CTNNA2: variants seen among roughly 807,000 people sequenced by gnomAD.
CTNNA2 encodes catenin alpha-2.
CTNNA2 carries 42 observed loss-of-function variants against 101.0 expected under a neutral mutation model. The observed-to-expected ratio is 0.42, with a 90% CI of 0.32 to 0.54. The LOEUF (loss-of-function observed/expected upper bound fraction) is 0.54, where lower values mean the gene tolerates loss of function less well. Among genes scored for constraint, CTNNA2 ranks in the 20% least tolerant of loss-of-function variants. CTNNA2 has a pLI of 0.14. For missense variants in CTNNA2, 871 were observed against 1,223.1 expected, an observed-to-expected ratio of 0.71 and a Z score of 4.29; for synonymous variants, 450 against 456.4, an observed-to-expected ratio of 0.99 and a Z score of 0.18.
At chr2:79,596,769 CT>C (rs1360459722) in intron 1 of CTNNA2, among the ~76,000 whole-genome samples, 2 of 152,246 alleles carry the variant, frequency 1.3e-5, no homozygotes, top group African/African-American at 2.4e-5. Context: ...GCTGTATTCT[CT>C]GTAATTTGCC....
At chr2:80,567,905 ACT>A (rs1229815928) in intron 12 of CTNNA2, among the ~76,000 whole-genome samples, 4 of 152,022 alleles carry the variant, frequency 2.6e-5, no homozygotes, top group African/African-American at 9.7e-5. Flanking sequence ...GTTAACAGTT[ACT>A]AAACTGTTTA....
At chr2:79,520,977 A>G (rs1360618592) in intron 1 of CTNNA2, among the ~76,000 whole-genome samples, 3 of 151,754 alleles carry the variant, frequency 2.0e-5, no homozygotes, top group Admixed American at 6.6e-5. Flanking sequence ...AAATGAAAAC[A>G]TATGTACAAG....
chr2:80,225,787 G>T (rs1030094269), intron 7 of CTNNA2, among the ~76,000 whole-genome samples: 1 of 152,146 alleles, frequency 6.6e-6, no homozygotes, highest in Admixed American at 6.6e-5. Context: ...AAAGCAATGG[G>T]ATCCTACATA....
chr2:79,358,374 A>G (rs888659488), intron 3 of CTNNA2, among the ~76,000 whole-genome samples: 2 of 151,878 alleles, frequency 1.3e-5, no homozygotes, highest in Non-Finnish European at 2.9e-5. Context: ...TAATTCTTGT[A>G]TTTTTAGTAG....
At chr2:79,705,765 A>T (rs1308925369) in intron 2 of CTNNA2, among the ~76,000 whole-genome samples, 1 of 152,256 alleles carries the variant, frequency 6.6e-6, no homozygotes, top group Non-Finnish European at 1.5e-5. Flanking sequence ...TTGGTACTGC[A>T]TTGCATGGGC....
chr2:79,755,185 G>C (rs1051350769), intron 3 of CTNNA2, among the ~76,000 whole-genome samples: 9 of 152,022 alleles, frequency 5.9e-5, no homozygotes, highest in African/African-American at 2.2e-4. Flanking sequence ...AAAATAATGA[G>C]CTGGGCATGG....
intron 7 of CTNNA2, among the ~76,000 whole-genome samples, chr2:79,934,826 A>T (rs1687672793): frequency 6.6e-6 from 1 of 152,260 alleles, no homozygotes; most frequent in African/African-American, 2.4e-5. Context: ...TTACAAATGT[A>T]GGTAGCATTA....
At chr2:79,711,512 G>A (rs1291410718) in intron 2 of CTNNA2, among the ~76,000 whole-genome samples, 1 of 152,138 alleles carries the variant, frequency 6.6e-6, no homozygotes, top group Non-Finnish European at 1.5e-5. Context: ...TATATCGCAG[G>A]TCTTCATAAC....
At chr2:79,343,722 CG>C in intron 3 of CTNNA2, among the ~76,000 whole-genome samples, 2 of 65,028 alleles carry the variant, frequency 3.1e-5, no homozygotes, top group East Asian at 6.7e-4. Context: ...AAGACACGGA[CG>C]ATTATTATTA....
At chr2:80,158,636 A>G (rs950010858) in intron 7 of CTNNA2, among the ~76,000 whole-genome samples, 1 of 152,210 alleles carries the variant, frequency 6.6e-6, no homozygotes, top group Non-Finnish European at 1.5e-5. Flanking sequence ...CAGGCCGGGC[A>G]TGGTGGCTTA....
chr2:80,356,771 G>A (rs755317386), intron 7 of CTNNA2, among the ~76,000 whole-genome samples: 11 of 152,064 alleles, frequency 7.2e-5, no homozygotes, highest in Non-Finnish European at 1.0e-4. Flanking sequence ...AACACTTATC[G>A]GTCAGCTGTC....
chr2:79,670,988 A>T (rs1460050419), intron 2 of CTNNA2, among the ~76,000 whole-genome samples: 1 of 152,232 alleles, frequency 6.6e-6, no homozygotes, highest in Non-Finnish European at 1.5e-5. Context: ...GAAAATTGGA[A>T]TATGTGTAAG....
intron 7 of CTNNA2, among the ~76,000 whole-genome samples, chr2:80,387,779 T>C (rs1239703059): frequency 6.6e-6 from 1 of 152,226 alleles, no homozygotes; most frequent in East Asian, 1.9e-4. Flanking sequence ...TCTCATGAAT[T>C]CAAGCCATGG....
In CTNNA2 at chr2:79,216,714, T is replaced by C. The variant is rs1290523736; in HGVS notation, c.-406+18638T>C. ...GAAGGAGAAGGGGTTGGGGGGTTCT[T>C]GCCCCCTAGAAAAGCGGTACTTGCA... On this transcript the variant is annotated intron_variant, in intron 2 of 21. Transcript: ENST00000466387. Among the ~76,000 whole-genome samples, 6 of 132,046 alleles carry C rather than the reference T, an allele frequency of 4.5e-5. No homozygotes were observed. In the East Asian group the frequency reaches 1.4e-3, roughly 31 times the overall value. The allele number at this position is 132,046 out of a possible 152,430, so 86.6% of individuals were successfully genotyped here. A position where few individuals can be genotyped will look rare whatever the true frequency, so the allele number is the denominator to read the frequency against.
intron 7 of CTNNA2, among the ~76,000 whole-genome samples, chr2:80,065,439 A>G (rs565808140): frequency 1.3e-5 from 2 of 151,108 alleles, no homozygotes; most frequent in African/African-American, 2.4e-5. Context: ...GCTCACTACA[A>G]TCTCTGCCTC....
intron 7 of CTNNA2, among the ~76,000 whole-genome samples, chr2:80,192,480 A>G (rs1370212760): frequency 6.6e-6 from 1 of 152,164 alleles, no homozygotes; most frequent in Non-Finnish European, 1.5e-5. Flanking sequence ...ATTAATGAGA[A>G]TAGTAAAATA....
chr2:80,514,584 G>T (rs1265331364), intron 9 of CTNNA2, among the ~76,000 whole-genome samples: 1 of 152,134 alleles, frequency 6.6e-6, no homozygotes, highest in African/African-American at 2.4e-5. Context: ...TTTATTTAGT[G>T]ATGGAAAAGG....
Position 79,602,287 on chromosome 2 carries a change from G to A in CTNNA2, c.-5-49265G>A, listed in dbSNP as rs369758947. On this transcript the variant is annotated intron_variant, in intron 1 of 18. Coordinates refer to ENST00000402739, the MANE Select transcript of CTNNA2 (RefSeq NM_001282597.3). Reference sequence around the variant, plus strand: ...AGATTAAAATATGGTTTGAAATAACGTGATCATCTTGTTAACTGCCCATAT... The same window carrying A: ...AGATTAAAATATGGTTTGAAATAACATGATCATCTTGTTAACTGCCCATAT... 2.0e-4 allele frequency among the ~76,000 whole-genome samples: 31 copies of A among 152,114 alleles called. No individual in the cohort carries two copies. In the South Asian group the frequency reaches 2.5e-3, roughly 12 times the overall value.
intron 2 of CTNNA2, among the ~76,000 whole-genome samples, chr2:79,718,532 G>T (rs187825990): frequency 7.2e-5 from 11 of 152,058 alleles, no homozygotes; most frequent in East Asian, 1.9e-4. Flanking sequence ...ATGTAATTCC[G>T]GCTGTGCCTT....
Sources: gnomAD v4.1 joint callset for allele counts (sites outside exome capture counted in the v4.1 genomes callset) on GRCh38, gnomAD v4.1.1 for gene constraint, MANE v1.5 for transcripts, NCBI Gene and HGNC (gene_info 2026-07-23, HGNC 2026-07-21) for gene names.